Variants in PRMT3 observed in about 807,000 individuals in gnomAD.
PRMT3 encodes protein arginine methyltransferase 3.
PRMT3 carries 62 observed loss-of-function variants against 71.9 expected under a neutral mutation model. The observed-to-expected ratio is 0.86, with a 90% CI of 0.70 to 1.07. The LOEUF (loss-of-function observed/expected upper bound fraction) is 1.07. Ranked by LOEUF, PRMT3 falls within the 50% of genes least tolerant of loss-of-function variation. The pLI, the probability that PRMT3 is intolerant of heterozygous loss-of-function variation, is 0.00. For synonymous variants in PRMT3, 213 were observed against 220.4 expected, an observed-to-expected ratio of 0.97 and a Z score of 0.30; for missense variants, 663 against 643.0, an observed-to-expected ratio of 1.03 and a Z score of -0.34.
chr11:20,480,441 T>TCAAGGAG (rs1850903186), intron 13 of PRMT3, among the ~76,000 whole-genome samples: 1 of 152,148 alleles, frequency 6.6e-6, no homozygotes, highest in African/African-American at 2.4e-5. Flanking sequence ...TTTGATAGGT[T>TCAAGGAG]TAAGGAGTTG....
chr11:20,489,545 A>G (rs1308970355), intron 13 of PRMT3, among the ~76,000 whole-genome samples: 1 of 152,186 alleles, frequency 6.6e-6, no homozygotes, highest in Non-Finnish European at 1.5e-5. Flanking sequence ...TGAAATTAAC[A>G]TTTAAAAGAT....
intron 13 of PRMT3, among the ~76,000 whole-genome samples, chr11:20,477,764 T>C (rs1406014089): frequency 6.6e-6 from 1 of 151,044 alleles, no homozygotes; most frequent in Non-Finnish European, 1.5e-5. Flanking sequence ...ATAGAGATAG[T>C]GAACTGTGTG....
intron 15 of PRMT3, among the ~76,000 whole-genome samples, chr11:20,506,890 A>C (rs898223464): frequency 6.6e-6 from 1 of 152,244 alleles, no homozygotes; most frequent in South Asian, 2.1e-4. Context: ...AGAAAAGTAC[A>C]TAGATAAAAA....
intron 13 of PRMT3, among the ~76,000 whole-genome samples, chr11:20,483,609 G>A (rs1239127914): frequency 6.6e-6 from 1 of 151,274 alleles, no homozygotes; most frequent in African/African-American, 2.4e-5. Flanking sequence ...AACATGGACT[G>A]AACACTATGT....
intron 13 of PRMT3, among the ~76,000 whole-genome samples, chr11:20,477,049 C>T (rs1850807569): frequency 3.3e-5 from 5 of 152,146 alleles, no homozygotes; most frequent in Admixed American, 3.3e-4. Context: ...CAAGATCAAG[C>T]CCTTCCCTGT....
Position 20,508,558 on chromosome 11 carries a change from G to A in PRMT3, c.*145G>A, listed in dbSNP as rs761553984. 5.6e-6 allele frequency: 4 copies of A among 710,612 alleles called. No homozygotes were observed. In the South Asian group the frequency reaches 6.0e-5, roughly 11 times the overall value. The allele number at this position is 710,612 out of a possible 1,614,324, so 44.0% of individuals were successfully genotyped here. ...CCTCAATAAGAGAGAAGTTCTCATT[G>A]TGGGAATCTGACATAGTTCAGCTGA... On this transcript the variant is annotated 3_prime_UTR_variant, in exon 16 of 16. Transcript: ENST00000331079.
At chr11:20,396,129 GTTAA>G (rs917022083) in intron 6 of PRMT3, among the ~76,000 whole-genome samples, 167 bp downstream of exon 6, 3 of 152,186 alleles carry the variant, frequency 2.0e-5, no homozygotes, top group African/African-American at 7.2e-5. Flanking sequence ...TATGGATATA[GTTAA>G]TTAATATAAA....
intron 15 of PRMT3, among the ~76,000 whole-genome samples, chr11:20,499,178 G>A (rs535854907): frequency 1.3e-5 from 2 of 152,320 alleles, no homozygotes; most frequent in South Asian, 2.1e-4. Flanking sequence ...TTAATGTATT[G>A]TAAAGTTTTT....
chr11:20,481,188 T>A (rs79505879), intron 13 of PRMT3, among the ~76,000 whole-genome samples: 4,545 of 152,162 alleles, frequency 0.03, 229 homozygotes, highest in African/African-American at 0.1. Flanking sequence ...CAAAAGCTTG[T>A]TTTTTAAAGG....
intron 9 of PRMT3, among the ~76,000 whole-genome samples, chr11:20,424,176 G>A (rs1207293091): frequency 1.2e-5 from 1 of 85,080 alleles, no homozygotes; most frequent in East Asian, 2.4e-4. Flanking sequence ...AAAGCAAGAC[G>A]CCATCTCAAA....
rs567066747 is a variant in PRMT3 at position 20,435,407 on chromosome 11, G to T, written c.993+8542G>T. Among the ~76,000 whole-genome samples, 7 of 152,122 alleles carry T rather than the reference G, an allele frequency of 4.6e-5. 1 individual carries two copies. The South Asian group carries it at 1.5e-3, about 32-fold the overall frequency. ...AGTAGAGATGGGGTTTTGCCATATT[G>T]CCCAGGATGGTCTTGAACTCCTGGG... is the stretch of plus-strand genomic sequence containing the variant. On this transcript the variant is annotated intron_variant, in intron 10 of 15. Transcript: ENST00000331079.
At chr11:20,433,855 A>C (rs1849707677) in intron 10 of PRMT3, among the ~76,000 whole-genome samples, 1 of 152,108 alleles carries the variant, frequency 6.6e-6, no homozygotes, top group Non-Finnish European at 1.5e-5. Context: ...GCTGACTTCA[A>C]GTGATCTGCC....
intron 6 of PRMT3, among the ~76,000 whole-genome samples, chr11:20,397,350 G>A (rs1234966712): frequency 6.6e-6 from 1 of 152,132 alleles, no homozygotes; most frequent in East Asian, 1.9e-4. Flanking sequence ...ACAATCTGCG[G>A]TTGGCATTGC....
At chr11:20,488,075 G>A (rs1479759983) in intron 13 of PRMT3, among the ~76,000 whole-genome samples, 2 of 152,132 alleles carry the variant, frequency 1.3e-5, no homozygotes, top group Non-Finnish European at 2.9e-5. Flanking sequence ...GGCACTTAAT[G>A]TGTATTGTTC....
At chr11:20,455,697 A>G (rs1267515940) in intron 11 of PRMT3, among the ~76,000 whole-genome samples, 1 of 152,116 alleles carries the variant, frequency 6.6e-6, no homozygotes, top group Non-Finnish European at 1.5e-5. Context: ...CCAAATATTA[A>G]AACACATTAT....
intron 11 of PRMT3, among the ~76,000 whole-genome samples, chr11:20,457,481 G>C (rs563471581): frequency 6.6e-6 from 1 of 152,312 alleles, no homozygotes; most frequent in African/African-American, 2.4e-5. Context: ...TTCTGCCCAA[G>C]TTACTCTCTG....
chr11:20,423,947 G>A (rs1849483558), intron 9 of PRMT3, among the ~76,000 whole-genome samples: 2 of 149,500 alleles, frequency 1.3e-5, no homozygotes, highest in Non-Finnish European at 3.0e-5. Flanking sequence ...CACTTTGGGA[G>A]GCCGAGGCAG....
intron 4 of PRMT3, 59 bp downstream of exon 4, chr11:20,392,319 T>G: frequency 6.7e-7 from 1 of 1,484,156 alleles, no homozygotes; most frequent in Non-Finnish European, 9.2e-7. Flanking sequence ...CTACAGTGAC[T>G]GTCAGTGTAC....
intron 9 of PRMT3, among the ~76,000 whole-genome samples, chr11:20,423,443 GC>G (rs1849470093): frequency 6.6e-6 from 1 of 152,104 alleles, no homozygotes; most frequent in Non-Finnish European, 1.5e-5. Flanking sequence ...ACACGGCTGG[GC>G]CTTTTTGTTT....
Sources: allele counts gnomAD v4.1 joint callset (sites outside exome capture counted in the v4.1 genomes callset), GRCh38; gene constraint gnomAD v4.1.1; transcripts MANE v1.5; gene names NCBI Gene and HGNC (gene_info 2026-07-23, HGNC 2026-07-21).